Variants in GABBR2 observed in about 807,000 individuals in gnomAD.
GABBR2 encodes gamma-aminobutyric acid type B receptor subunit 2, also known as G-protein coupled receptor 51.
Under a neutral mutation model 105.6 loss-of-function variants are expected in GABBR2, and 23 were observed. The observed-to-expected ratio is 0.22, with a 90% CI of 0.16 to 0.31. The LOEUF is 0.31. Ranked by LOEUF, GABBR2 falls within the 10% of genes least tolerant of loss-of-function variation. The probability of loss-of-function intolerance (pLI) is 1.00; values close to 1 mark genes in which losing one functional copy is unlikely to be tolerated. For missense variants in GABBR2, 734 were observed against 1,245.5 expected (o/e 0.59, Z 6.18); for synonymous variants, 478 against 499.7 (o/e 0.96, Z 0.58).
At chr9:98,505,336 G>A (rs1474895225) in intron 3 of GABBR2, among the ~76,000 whole-genome samples, 1 of 152,184 alleles carries the variant, frequency 6.6e-6, no homozygotes, top group Non-Finnish European at 1.5e-5. Flanking sequence ...AAGGGCAAGT[G>A]TGTAACTGAA....
chr9:98,593,715 C>T (rs1482904228), intron 1 of GABBR2, among the ~76,000 whole-genome samples: 1 of 152,166 alleles, frequency 6.6e-6, no homozygotes, highest in African/African-American at 2.4e-5. Flanking sequence ...AGAGCTATCC[C>T]GACAGCTCCC....
intron 10 of GABBR2, among the ~76,000 whole-genome samples, chr9:98,387,717 A>G (rs1339875766): frequency 6.6e-6 from 1 of 152,106 alleles, no homozygotes; most frequent in Non-Finnish European, 1.5e-5. Flanking sequence ...GCTTGAGTCC[A>G]GGAGTTTGAG....
Position 98,436,329 on chromosome 9 carries a change from T to TCC in GABBR2, c.1236+17651_1236+17652insGG, listed in dbSNP as rs1825907492. Among the ~76,000 whole-genome samples the TCC allele has an allele frequency of 2.2e-4, 10 of 45,426 alleles. 2 individuals are homozygous for TCC. The highest frequency in any genetic ancestry group is 1.1e-3 in the African/African-American group (10 of 9,506). The allele number at this position is 45,426 out of a possible 152,430, so 29.8% of individuals were successfully genotyped here. ...CCCATAAATATACCATATATATATA[T>TCC]ATACACACACACACACACCATATAT... On this transcript the variant is annotated intron_variant, in intron 7 of 18. Transcript: ENST00000259455.
At chr9:98,583,563 G>T (rs769583644) in intron 1 of GABBR2, among the ~76,000 whole-genome samples, 1 of 152,218 alleles carries the variant, frequency 6.6e-6, no homozygotes, top group East Asian at 1.9e-4. Flanking sequence ...GGTCCTTACA[G>T]AGTATAGTGT....
chr9:98,434,206 C>A (rs1009005963), intron 7 of GABBR2, among the ~76,000 whole-genome samples: 1 of 152,248 alleles, frequency 6.6e-6, no homozygotes, highest in East Asian at 1.9e-4. Flanking sequence ...GGACTCCAAG[C>A]TCTTCAGCTT....
chr9:98,453,343 TTTTTC>T (rs1361279841), intron 7 of GABBR2, among the ~76,000 whole-genome samples: 4 of 152,252 alleles, frequency 2.6e-5, no homozygotes, highest in African/African-American at 9.6e-5. Context: ...CCTTTCTTTC[TTTTTC>T]TTTTCTTTTT....
chr9:98,399,316 T>C (rs10125683), intron 8 of GABBR2, among the ~76,000 whole-genome samples: 25,354 of 147,262 alleles, frequency 0.17, 3,089 homozygotes, highest in African/African-American at 0.35. Flanking sequence ...TGTGCCACTG[T>C]ACTCCAGCCT....
At chr9:98,462,487 A>G (rs924423355) in intron 6 of GABBR2, among the ~76,000 whole-genome samples, 9 of 152,224 alleles carry the variant, frequency 5.9e-5, no homozygotes, top group Non-Finnish European at 8.8e-5. Flanking sequence ...AAAATGGGCA[A>G]AAGACTTGAA....
At chr9:98,678,525 C>A (rs760681471) in intron 1 of GABBR2, among the ~76,000 whole-genome samples, 3 of 152,226 alleles carry the variant, frequency 2.0e-5, no homozygotes, top group African/African-American at 7.2e-5. Flanking sequence ...TTGACAAGCA[C>A]TTTATGTCCC....
Position 98,403,212 on chromosome 9 carries a change from C to T in GABBR2, c.1297+2869G>A, listed in dbSNP as rs990723554. Among the ~76,000 whole-genome samples the T allele has an allele frequency of 8.2e-5, 12 of 146,246 alleles. No individual in the cohort carries two copies. In the South Asian group the frequency reaches 1.1e-3, roughly 13 times the overall value. On this transcript the variant is annotated intron_variant, in intron 8 of 18. Coordinates refer to ENST00000259455, the MANE Select transcript of GABBR2 (RefSeq NM_005458.8). The stretch of plus-strand genomic sequence containing the variant: ...GGGAGGCTGAGGCAGAAGAATCACT[C>T]GAACCCAGGAGGCAGAGGTTGCAGT...
chr9:98,689,342 C>T (rs1830657837), intron 1 of GABBR2, among the ~76,000 whole-genome samples: 1 of 152,148 alleles, frequency 6.6e-6, no homozygotes, highest in Non-Finnish European at 1.5e-5. Context: ...GTTTTCTCAT[C>T]TGAAAAATGG....
chr9:98,595,868 A>G (rs1829227517), intron 1 of GABBR2, among the ~76,000 whole-genome samples: 1 of 152,124 alleles, frequency 6.6e-6, no homozygotes, highest in Non-Finnish European at 1.5e-5. Context: ...GTCTCCTCCC[A>G]CAGCCATAAG....
At chr9:98,574,756 AG>A (rs1178309112) in intron 2 of GABBR2, among the ~76,000 whole-genome samples, 7 of 152,262 alleles carry the variant, frequency 4.6e-5, no homozygotes, top group Admixed American at 1.3e-4. Flanking sequence ...GTGGTCTGCA[AG>A]CTGGGAGTTT....
chr9:98,327,897 G>A (rs1830951874), intron 13 of GABBR2, among the ~76,000 whole-genome samples: 1 of 150,928 alleles, frequency 6.6e-6, no homozygotes, highest in South Asian at 2.1e-4. Context: ...AAATAAAACT[G>A]CAGAACTTTC....
At chr9:98,674,362 C>G (rs1176093231) in intron 1 of GABBR2, among the ~76,000 whole-genome samples, 1 of 152,188 alleles carries the variant, frequency 6.6e-6, no homozygotes, top group East Asian at 1.9e-4. Context: ...AGGAATGCCA[C>G]GTGAACATCT....
rs6151094 is a variant in GABBR2, at chr9:98,640,121, C to CATATATATATATATATAT, written c.322-62067_322-62050dup. The stretch of plus-strand genomic sequence containing the variant: ...AGTTTTGAGCCTTTGAAAATACAAC[C>CATATATATATATATATAT]ATATATATATATATATATATATATA... On this transcript the variant is annotated intron_variant, in intron 1 of 18. Transcript: ENST00000259455. Among the ~76,000 whole-genome samples the CATATATATATATATATAT allele has an allele frequency of 8.4e-4, 118 of 140,882 alleles. 1 individual carries two copies. The highest frequency in any genetic ancestry group is 3.8e-3 in the Middle Eastern group (1 of 260). 92.4% of individuals were successfully genotyped at this position (140,882 alleles called of 152,430 possible). A position where few individuals can be genotyped will look rare whatever the true frequency, so the allele number is the denominator to read the frequency against.
chr9:98,514,399 TATAATA>T (rs144710548), intron 3 of GABBR2, among the ~76,000 whole-genome samples: 27 of 109,848 alleles, frequency 2.5e-4, no homozygotes, highest in East Asian at 2.1e-4. Context: ...AAACTTAAAG[TATAATA>T]ATAATAATAA....
intron 14 of GABBR2, among the ~76,000 whole-genome samples, chr9:98,307,524 C>A (rs1346166012): frequency 2.6e-5 from 4 of 152,142 alleles, no homozygotes; most frequent in Non-Finnish European, 5.9e-5. Flanking sequence ...CTGCATGAAC[C>A]ATTTAACATC....
intron 2 of GABBR2, among the ~76,000 whole-genome samples, chr9:98,551,584 G>A (rs1828486441): frequency 6.6e-6 from 1 of 152,176 alleles, no homozygotes; most frequent in South Asian, 2.1e-4. Flanking sequence ...TTTTGGAGGA[G>A]ACATATTTAA....
Sources: allele counts gnomAD v4.1 joint callset (sites outside exome capture counted in the v4.1 genomes callset), GRCh38; gene constraint gnomAD v4.1.1; transcripts MANE v1.5; gene names NCBI Gene and HGNC (gene_info 2026-07-23, HGNC 2026-07-21).